The following FHIT variants were observed in gnomAD, a reference collection of about 807,000 sequenced individuals.
FHIT encodes the protein fragile histidine triad diadenosine triphosphatase.
A neutral mutation model predicts 17.9 loss-of-function variants in FHIT; 19 were observed. The ratio of observed to expected loss-of-function variants is 1.06; its 90% CI spans 0.74 to 1.56. The LOEUF is 1.56. FHIT is among the 40% of genes most tolerant of loss of function. The pLI is 0.00. For missense variants in FHIT, 248 were observed against 189.2 expected (o/e 1.31, Z -1.82); for synonymous variants, 81 against 69.7 (o/e 1.16, Z -0.81).
In FHIT at chr3:61,122,554, C is replaced by T. The variant is rs1401897028; in HGVS notation, c.-164+78063G>A. Among the ~76,000 whole-genome samples the T allele has an allele frequency of 3.3e-5, 5 of 152,304 alleles. No homozygotes were observed. In the East Asian group the frequency reaches 9.6e-4, roughly 29 times the overall value. Reference sequence around the variant, plus strand: ...TCTGCACAGCAAAAGAAACTACGATCAGAGTGAACAGGCAACCTACAGAAT... The same window carrying T: ...TCTGCACAGCAAAAGAAACTACGATTAGAGTGAACAGGCAACCTACAGAAT... On this transcript the variant is annotated intron_variant, in intron 2 of 9. Transcript: ENST00000492590.
At chr3:60,464,882 C>T (rs778706316) in intron 5 of FHIT, among the ~76,000 whole-genome samples, 3 of 151,960 alleles carry the variant, frequency 2.0e-5, no homozygotes, top group Non-Finnish European at 4.4e-5. Flanking sequence ...TACCTAGCAG[C>T]GAGTTTGCTG....
chr3:59,925,859 T>A (rs115710337), intron 7 of FHIT, among the ~76,000 whole-genome samples: 1 of 152,210 alleles, frequency 6.6e-6, no homozygotes, highest in Admixed American at 6.5e-5. Flanking sequence ...CAAAGCCTCA[T>A]TGCTGTGAAA....
At chr3:60,816,885 G>A (rs1553737890) in intron 4 of FHIT, among the ~76,000 whole-genome samples, 1 of 151,894 alleles carries the variant, frequency 6.6e-6, no homozygotes, top group Non-Finnish European at 1.5e-5. Context: ...CTGACATTTA[G>A]TCTGATTACT....
intron 2 of FHIT, among the ~76,000 whole-genome samples, chr3:61,116,184 G>A (rs1283381339): frequency 6.6e-6 from 1 of 151,790 alleles, no homozygotes; most frequent in African/African-American, 2.4e-5. Flanking sequence ...GGGTCTTGGT[G>A]GTGCCATCTT....
chr3:60,024,715 G>T (rs1274725757), intron 5 of FHIT, among the ~76,000 whole-genome samples: 1 of 152,192 alleles, frequency 6.6e-6, no homozygotes, highest in South Asian at 2.1e-4. Flanking sequence ...GGGCAAGACC[G>T]TAACAAGCCA....
intron 2 of FHIT, among the ~76,000 whole-genome samples, chr3:61,053,306 T>A (rs1466622618): frequency 6.6e-6 from 1 of 152,010 alleles, no homozygotes; most frequent in Non-Finnish European, 1.5e-5. Context: ...ATAAAAAAAA[T>A]GTCCTGGAAA....
At chr3:61,121,421 A>C (rs1484500939) in intron 2 of FHIT, among the ~76,000 whole-genome samples, 2 of 152,216 alleles carry the variant, frequency 1.3e-5, no homozygotes, top group East Asian at 3.8e-4. Context: ...AAGCCAGAAG[A>C]GAATGGGGGC....
intron 5 of FHIT, among the ~76,000 whole-genome samples, chr3:60,070,377 C>T (rs1472953215): frequency 6.6e-6 from 1 of 152,208 alleles, no homozygotes; most frequent in African/African-American, 2.4e-5. Flanking sequence ...CCTTTATCTA[C>T]TGGTTCTTTC....
intron 2 of FHIT, among the ~76,000 whole-genome samples, chr3:61,052,442 G>A (rs1016232959): frequency 6.6e-6 from 1 of 152,174 alleles, no homozygotes; most frequent in Non-Finnish European, 1.5e-5. Flanking sequence ...TGCGGCTTGT[G>A]TTTTTCACCT....
At chr3:59,908,850 T>TTTTTTTTTTTTTTTAGACGG (rs1553712872) in intron 8 of FHIT, among the ~76,000 whole-genome samples, 1 of 150,092 alleles carries the variant, frequency 6.7e-6, no homozygotes, top group Admixed American at 6.7e-5. Flanking sequence ...TTTCATTTTT[T>TTTTTTTTTTTTTTTAGACGG]AATAGTCCAA....
intron 5 of FHIT, among the ~76,000 whole-genome samples, chr3:60,307,564 A>G (rs547028646): frequency 6.6e-6 from 1 of 152,304 alleles, no homozygotes; most frequent in East Asian, 1.9e-4. Flanking sequence ...AAAAAATGAC[A>G]CCTGCTACAA....
chr3:60,129,042 CTTTTTTGTTTGT>C (rs1170117874), intron 5 of FHIT, among the ~76,000 whole-genome samples: 3 of 113,012 alleles, frequency 2.7e-5, no homozygotes, highest in African/African-American at 1.0e-4. Flanking sequence ...TTCTTCTTTC[CTTTTTTGTTTGT>C]TTTTTTTTTT....
chr3:60,593,489 AC>A (rs1553665141), intron 4 of FHIT, among the ~76,000 whole-genome samples: 1 of 151,920 alleles, frequency 6.6e-6, no homozygotes, highest in Admixed American at 6.6e-5. Context: ...CCAGGATTTC[AC>A]CCCCTGCCCC....
chr3:60,458,649 T>G (rs113785587), intron 5 of FHIT, among the ~76,000 whole-genome samples: 1 of 152,058 alleles, frequency 6.6e-6, no homozygotes, highest in Non-Finnish European at 1.5e-5. Flanking sequence ...ACCCAGTAGC[T>G]TTAGGTTTTT....
chr3:60,302,518 G>A (rs1708494890), intron 5 of FHIT, among the ~76,000 whole-genome samples: 1 of 151,988 alleles, frequency 6.6e-6, no homozygotes, highest in Non-Finnish European at 1.5e-5. Flanking sequence ...TGCCTCTAAT[G>A]CAATTTAGTG....
At chr3:60,142,210 T>C (rs1433857036) in intron 5 of FHIT, among the ~76,000 whole-genome samples, 1 of 152,284 alleles carries the variant, frequency 6.6e-6, no homozygotes, top group East Asian at 1.9e-4. Context: ...TTACCAGCTG[T>C]GAGACCCTGA....
intron 5 of FHIT, among the ~76,000 whole-genome samples, chr3:60,456,516 C>T (rs956966848): frequency 1.3e-5 from 2 of 152,198 alleles, no homozygotes; most frequent in Non-Finnish European, 2.9e-5. Context: ...GCCCTAAAGA[C>T]TTCAGCATTT....
intron 8 of FHIT, among the ~76,000 whole-genome samples, chr3:59,866,829 C>T (rs11925272): frequency 0.017 from 2,609 of 152,152 alleles, 79 homozygotes; most frequent in African/African-American, 0.059. Context: ...GGGCTGAGAC[C>T]AGCGGGTTTG....
At chr3:60,448,508 A>C (rs369161) in intron 5 of FHIT, among the ~76,000 whole-genome samples, 1 of 151,664 alleles carries the variant, frequency 6.6e-6, no homozygotes, top group Admixed American at 6.6e-5. Context: ...GTAACTCTGA[A>C]TTAAATACCG....
Sources: allele counts gnomAD v4.1 joint callset (sites outside exome capture counted in the v4.1 genomes callset), GRCh38; gene constraint gnomAD v4.1.1; transcripts MANE v1.5; gene names NCBI Gene and HGNC (gene_info 2026-07-23, HGNC 2026-07-21).